PGGT1B: variants seen among roughly 807,000 people sequenced by gnomAD.
PGGT1B encodes the protein geranylgeranyl transferase type-1 subunit beta.
A neutral mutation model predicts 46.1 loss-of-function variants in PGGT1B; 30 were observed. The ratio of observed to expected loss-of-function variants is 0.65; its 90% CI spans 0.49 to 0.88. The LOEUF is 0.88. Among genes scored for constraint, PGGT1B ranks in the 40% least tolerant of loss-of-function variants. The probability of loss-of-function intolerance (pLI) is 0.00; values close to 1 mark genes in which losing one functional copy is unlikely to be tolerated. For synonymous variants in PGGT1B, 170 were observed against 160.0 expected (o/e 1.06, Z -0.47); for missense variants, 376 against 455.9 (o/e 0.82, Z 1.60).
intron 2 of PGGT1B, chr5:115,252,854 AAT>A (rs1192089086): frequency 3.5e-6 from 1 of 287,050 alleles, no homozygotes; most frequent in East Asian, 9.3e-5. Context: ...ACTGACTATA[AAT>A]AATCAACAAG....
At chr5:115,217,337 A>C (rs778711893) in intron 7 of PGGT1B, among the ~76,000 whole-genome samples, 13 of 152,054 alleles carry the variant, frequency 8.5e-5, no homozygotes, top group Non-Finnish European at 1.8e-4. Flanking sequence ...TTGAGCTATT[A>C]GTTATAAACT....
chr5:115,224,710 A>G (rs1756708712), intron 6 of PGGT1B, among the ~76,000 whole-genome samples: 1 of 151,976 alleles, frequency 6.6e-6, no homozygotes, highest in Non-Finnish European at 1.5e-5. Flanking sequence ...TCTCTACAAA[A>G]AAATATTTTT....
At position 115,208,806 on chromosome 5, in the gene PGGT1B, T is replaced by C. The variant is rs1756138501; in HGVS notation, c.*3596A>G. ...TTGGTTAATTTTCCCCTTTTCCTAC[T>C]TTTATTGATAACTGTACTAATTAAT... On this transcript the variant is annotated 3_prime_UTR_variant, in exon 9 of 9. Coordinates refer to ENST00000419445, the MANE Select transcript of PGGT1B (RefSeq NM_005023.4). The C allele has an allele frequency of 6.6e-6, 1 of 152,074 alleles. No individual in the cohort carries two copies. The highest frequency in any genetic ancestry group is 1.5e-5 in the Non-Finnish European group (1 of 67,972). 9.4% of individuals were successfully genotyped at this position (152,074 alleles called of 1,614,324 possible).
intron 6 of PGGT1B, among the ~76,000 whole-genome samples, chr5:115,228,145 T>G (rs1379273286): frequency 6.6e-6 from 1 of 152,178 alleles, no homozygotes; most frequent in Non-Finnish European, 1.5e-5. Flanking sequence ...GATACTGAAG[T>G]CATATCGAGA....
chr5:115,246,834 T>C (rs966506626), intron 2 of PGGT1B, among the ~76,000 whole-genome samples: 3 of 152,198 alleles, frequency 2.0e-5, no homozygotes, highest in Non-Finnish European at 2.9e-5. Flanking sequence ...AGAGTCAAAC[T>C]TGTTTATGCT....
intron 1 of PGGT1B, among the ~76,000 whole-genome samples, chr5:115,259,739 A>C (rs1289331799): frequency 6.6e-6 from 1 of 151,322 alleles, no homozygotes; most frequent in Admixed American, 6.6e-5. Flanking sequence ...AGAACAAAGT[A>C]GTTGCAGAAT....
chr5:115,246,639 C>T (rs542006383), intron 2 of PGGT1B, among the ~76,000 whole-genome samples: 2 of 152,240 alleles, frequency 1.3e-5, no homozygotes, highest in Admixed American at 1.3e-4. Context: ...GGTCTGGCTG[C>T]CCATCAGAAT....
intron 2 of PGGT1B, among the ~76,000 whole-genome samples, chr5:115,251,762 T>C (rs565958160): frequency 2.0e-5 from 3 of 151,994 alleles, no homozygotes; most frequent in Admixed American, 6.6e-5. Context: ...TGTGCCACAG[T>C]GTGTATATGA....
chr5:115,228,337 G>A (rs1351662480), intron 6 of PGGT1B, among the ~76,000 whole-genome samples: 1 of 152,110 alleles, frequency 6.6e-6, no homozygotes, highest in Non-Finnish European at 1.5e-5. Context: ...TGTAACATAG[G>A]CAAAAAACTC....
At chr5:115,212,873 G>A (rs1429433121) in intron 8 of PGGT1B, among the ~76,000 whole-genome samples, 1 of 152,206 alleles carries the variant, frequency 6.6e-6, no homozygotes, top group Non-Finnish European at 1.5e-5. Flanking sequence ...AAAGACAGGA[G>A]TAGCAGCAGT....
In PGGT1B at chr5:115,212,498, T is replaced by G; in HGVS notation, c.1038A>C (p.Val346=). 1 of 1,613,626 alleles carries G rather than the reference T, an allele frequency of 6.2e-7. No homozygotes were observed. Among genetic ancestry groups the G allele is most frequent in the Non-Finnish European group, 8.5e-7 (1 of 1,179,614 alleles). Residue 346 remains valine (V), a synonymous_variant, in exon 9 of 9, where the codon GTA becomes GTC. Coordinates refer to ENST00000419445, the MANE Select transcript of PGGT1B (RefSeq NM_005023.4). ...GICKVHPALN[V]STRTSERLLD... is the part of the protein sequence containing the mutation. ...GAAGGCGTTCAGAAGTCCGTGTGCT[T>G]ACATTCAGAGCAGGATGAACTTTAC...
intron 2 of PGGT1B, among the ~76,000 whole-genome samples, chr5:115,246,140 T>C (rs1332483246): frequency 2.6e-5 from 4 of 151,906 alleles, no homozygotes; most frequent in African/African-American, 9.7e-5. Flanking sequence ...TCACCTGAGG[T>C]CAGGAGTTCG....
chr5:115,222,799 T>C (rs1756626445), intron 6 of PGGT1B, among the ~76,000 whole-genome samples: 2 of 152,164 alleles, frequency 1.3e-5, no homozygotes, highest in Admixed American at 6.6e-5. Flanking sequence ...TAAAAACGGA[T>C]GAGTTCACGT....
At position 115,208,571 on chromosome 5, in the gene PGGT1B, T is replaced by G. The variant is rs1431239867; in HGVS notation, c.*3831A>C. 2 of 152,052 alleles carry G rather than the reference T, an allele frequency of 1.3e-5. No homozygotes were observed. The highest frequency in any genetic ancestry group is 4.8e-5 in the African/African-American group (2 of 41,438). The allele number at this position is 152,052 out of a possible 1,614,324, so 9.4% of individuals were successfully genotyped here. A position where few individuals can be genotyped will look rare whatever the true frequency, so the allele number is the denominator to read the frequency against. On this transcript the variant is annotated 3_prime_UTR_variant, in exon 9 of 9. Transcript: ENST00000419445. ...ATTTCCTGTTTTACTATTTCCCCCT[T>G]GTCATTTAAATTTTTGTATTTGTGC... is the stretch of plus-strand genomic sequence containing the variant.
At chr5:115,219,420 T>C (rs1756520926) in intron 7 of PGGT1B, among the ~76,000 whole-genome samples, 1 of 151,852 alleles carries the variant, frequency 6.6e-6, no homozygotes, top group South Asian at 2.1e-4. Flanking sequence ...GGTTGGATCT[T>C]ACCTTACATT....
intron 8 of PGGT1B, among the ~76,000 whole-genome samples, chr5:115,216,257 A>G (rs1253372281): frequency 3.3e-5 from 5 of 152,084 alleles, no homozygotes; most frequent in African/African-American, 1.2e-4. Context: ...CTCCTGCCTC[A>G]GACTCCCGCA....
chr5:115,208,466 A>C lies in PGGT1B; in HGVS notation c.*3936T>G, dbSNP rs1756128565. 1 of 151,974 alleles carries C rather than the reference A, an allele frequency of 6.6e-6. No homozygotes were observed. Among genetic ancestry groups the C allele is most frequent in the Non-Finnish European group, 1.5e-5 (1 of 67,926 alleles). The allele number at this position is 151,974 out of a possible 1,614,324, so 9.4% of individuals were successfully genotyped here. A position where few individuals can be genotyped will look rare whatever the true frequency, so the allele number is the denominator to read the frequency against. ...GTTGTGACTTTATCTACCTAGAGTA[A>C]ATTTTGGCAATTTGCATTTTTCTCA... On this transcript the variant is annotated 3_prime_UTR_variant, in exon 9 of 9. Transcript: ENST00000419445.
At chr5:115,241,419 C>A (rs1238517757) in intron 3 of PGGT1B, 120 bp downstream of exon 3, 3 of 483,748 alleles carry the variant, frequency 6.2e-6, no homozygotes, top group Non-Finnish European at 1.1e-5. Flanking sequence ...TATTATTAGA[C>A]AACATTTAGC....
intron 2 of PGGT1B, among the ~76,000 whole-genome samples, chr5:115,245,109 C>T (rs1747771861): frequency 6.6e-6 from 1 of 152,112 alleles, no homozygotes; most frequent in Non-Finnish European, 1.5e-5. Flanking sequence ...TGGAAGACAG[C>T]TCTGATACCA....
Sources: gnomAD v4.1 joint callset for allele counts (sites outside exome capture counted in the v4.1 genomes callset) on GRCh38, gnomAD v4.1.1 for gene constraint, MANE v1.5 for transcripts, NCBI Gene and HGNC (gene_info 2026-07-23, HGNC 2026-07-21) for gene names.